MDGA2: variants seen among roughly 807,000 people sequenced by gnomAD.
MDGA2 encodes MAM domain containing glycosylphosphatidylinositol anchor 2.
In MDGA2, 40 loss-of-function variants were observed where a neutral mutation model predicts 117.8. The observed-to-expected ratio is 0.34, with a 90% CI of 0.26 to 0.44. The LOEUF is 0.44. MDGA2 is among the 20% of genes least tolerant of loss of function. The pLI, the probability that MDGA2 is intolerant of heterozygous loss-of-function variation, is 1.00. For missense variants in MDGA2, 1,123 were observed against 1,250.6 expected (o/e 0.90, Z 1.54); for synonymous variants, 452 against 439.0 (o/e 1.03, Z -0.37).
intron 2 of MDGA2, among the ~76,000 whole-genome samples, chr14:47,260,329 C>T (rs1594758487): frequency 1.3e-5 from 2 of 152,000 alleles, no homozygotes; most frequent in South Asian, 4.1e-4. Flanking sequence ...ATTTTGTGTG[C>T]TCAATGCAGT....
chr14:47,144,449 A>G (rs1198647766), intron 3 of MDGA2, among the ~76,000 whole-genome samples, 175 bp from the exon 4 acceptor site: 4 of 152,262 alleles, frequency 2.6e-5, no homozygotes, highest in Non-Finnish European at 4.4e-5. Context: ...GTTTCCAATG[A>G]TAAGAAGTAT....
intron 1 of MDGA2, among the ~76,000 whole-genome samples, chr14:47,375,548 G>C (rs1426043873): frequency 6.6e-6 from 1 of 151,788 alleles, no homozygotes; most frequent in Admixed American, 6.6e-5. Context: ...TTAAAAAAAA[G>C]AATATTAACT....
At chr14:47,310,596 G>A (rs1337079021) in intron 1 of MDGA2, among the ~76,000 whole-genome samples, 1 of 151,846 alleles carries the variant, frequency 6.6e-6, no homozygotes, top group Non-Finnish European at 1.5e-5. Flanking sequence ...ATCACATAAT[G>A]AATATATATA....
At chr14:47,176,179 T>C (rs963194372) in intron 3 of MDGA2, among the ~76,000 whole-genome samples, 5 of 152,164 alleles carry the variant, frequency 3.3e-5, no homozygotes, top group Non-Finnish European at 5.9e-5. Flanking sequence ...GAACATTCCA[T>C]GCTCATGGGT....
chr14:47,247,632 TTTATTATTATTA>T (rs71448183), intron 2 of MDGA2, among the ~76,000 whole-genome samples: 1 of 146,126 alleles, frequency 6.8e-6, no homozygotes, highest in Admixed American at 6.8e-5. Context: ...TCAGTACATA[TTTATTATTATTA>T]TTATTATTAT....
At chr14:47,175,920 T>C (rs1304300629) in intron 3 of MDGA2, among the ~76,000 whole-genome samples, 2 of 151,996 alleles carry the variant, frequency 1.3e-5, no homozygotes, top group African/African-American at 4.8e-5. Context: ...CAGCCCAAAA[T>C]CTCCTTAAGC....
At chr14:47,296,731 C>T (rs531341035) in intron 2 of MDGA2, among the ~76,000 whole-genome samples, 2 of 152,230 alleles carry the variant, frequency 1.3e-5, no homozygotes, top group African/African-American at 2.4e-5. Context: ...TGCTACCATA[C>T]ATTTCACAAA....
intron 1 of MDGA2, among the ~76,000 whole-genome samples, chr14:47,556,564 A>T (rs920972863): frequency 2.6e-5 from 4 of 152,218 alleles, no homozygotes; most frequent in Non-Finnish European, 4.4e-5. Flanking sequence ...AAACTAGATT[A>T]TGTAAGTTTG....
At chr14:47,470,164 G>A (rs1328681560) in intron 1 of MDGA2, among the ~76,000 whole-genome samples, 2 of 150,332 alleles carry the variant, frequency 1.3e-5, no homozygotes, top group Non-Finnish European at 3.0e-5. Context: ...AGTGCAGAAC[G>A]TGCAGTTTTG....
chr14:47,566,906 C>CTTTTTTTTTTTTTTTTTTTT (rs55759791), intron 1 of MDGA2, among the ~76,000 whole-genome samples: 1 of 147,748 alleles, frequency 6.8e-6, no homozygotes. Context: ...ATCCATCTTC[C>CTTTTTTTTTTTTTTTTTTTT]TTTTTTTTTT....
intron 3 of MDGA2, among the ~76,000 whole-genome samples, chr14:47,206,698 T>G (rs2139462170): frequency 6.6e-6 from 1 of 152,068 alleles, no homozygotes; most frequent in East Asian, 1.9e-4. Context: ...AAGACCAAAC[T>G]GGGCAACATG....
intron 1 of MDGA2, among the ~76,000 whole-genome samples, chr14:47,588,534 G>C (rs1896376089): frequency 6.6e-6 from 1 of 151,648 alleles, no homozygotes. Context: ...TATCTTCCTT[G>C]AAGAAGATAG....
chr14:47,648,023 C>T (rs1305524032), intron 1 of MDGA2, among the ~76,000 whole-genome samples: 1 of 152,004 alleles, frequency 6.6e-6, no homozygotes, highest in Admixed American at 6.6e-5. Context: ...TAAATGCCTA[C>T]AAAACAACAA....
intron 8 of MDGA2, among the ~76,000 whole-genome samples, chr14:46,961,883 C>A (rs1885824849): frequency 1.3e-5 from 2 of 152,152 alleles, no homozygotes; most frequent in Non-Finnish European, 2.9e-5. Flanking sequence ...ACCTCGTGAT[C>A]CACCTGCCTT....
intron 4 of MDGA2, among the ~76,000 whole-genome samples, chr14:47,141,859 G>A (rs963549157): frequency 1.3e-5 from 2 of 152,106 alleles, no homozygotes; most frequent in African/African-American, 4.8e-5. Context: ...ACAGCTAGAC[G>A]AGAATGTTCT....
At chr14:47,229,575 T>C (rs1886619729) in intron 2 of MDGA2, among the ~76,000 whole-genome samples, 2 of 151,924 alleles carry the variant, frequency 1.3e-5, no homozygotes, top group South Asian at 4.1e-4. Context: ...ATAATAAAAG[T>C]AATGCCCTTG....
chr14:47,043,119 G>A (rs535223570), intron 7 of MDGA2, among the ~76,000 whole-genome samples: 37 of 151,838 alleles, frequency 2.4e-4, no homozygotes, highest in Admixed American at 1.1e-3. Context: ...GATTATAACC[G>A]CGTGTCAATT....
chr14:46,891,505 T>C (rs1036744925), intron 10 of MDGA2, among the ~76,000 whole-genome samples: 3 of 151,402 alleles, frequency 2.0e-5, no homozygotes, highest in African/African-American at 7.2e-5. Flanking sequence ...ACATTTATCT[T>C]ATTATATTAA....
intron 8 of MDGA2, among the ~76,000 whole-genome samples, chr14:46,976,285 A>G (rs949933571): frequency 6.6e-6 from 1 of 152,096 alleles, no homozygotes; most frequent in Admixed American, 6.6e-5. Flanking sequence ...AAACAAAAAC[A>G]CAGTGGCTTA....
Sources: allele counts gnomAD v4.1 joint callset (sites outside exome capture counted in the v4.1 genomes callset), GRCh38; gene constraint gnomAD v4.1.1; transcripts MANE v1.5; gene names NCBI Gene and HGNC (gene_info 2026-07-23, HGNC 2026-07-21).